GRIN3A: variants seen among roughly 807,000 people sequenced by gnomAD.
GRIN3A encodes the protein glutamate receptor ionotropic, NMDA 3A.
GRIN3A carries 47 observed loss-of-function variants against 92.4 expected under a neutral mutation model. The ratio of observed to expected loss-of-function variants is 0.51; its 90% CI spans 0.40 to 0.65. The LOEUF (loss-of-function observed/expected upper bound fraction) is 0.65. GRIN3A is among the 30% of genes least tolerant of loss of function. GRIN3A has a pLI of 0.00. For missense variants in GRIN3A, 1,324 were observed against 1,393.1 expected, an observed-to-expected ratio of 0.95 and a Z score of 0.79; for synonymous variants, 527 against 540.6, an observed-to-expected ratio of 0.97 and a Z score of 0.35.
chr9:101,633,992 C>T (rs540478222), intron 3 of GRIN3A, among the ~76,000 whole-genome samples: 123 of 152,078 alleles, frequency 8.1e-4, no homozygotes, highest in Non-Finnish European at 1.5e-3. Flanking sequence ...CTATGAAGTG[C>T]CTGTTACGCT....
intron 3 of GRIN3A, among the ~76,000 whole-genome samples, chr9:101,650,909 A>T (rs1162111279): frequency 6.6e-6 from 1 of 151,930 alleles, no homozygotes; most frequent in Non-Finnish European, 1.5e-5. Flanking sequence ...TTTTTTCTCA[A>T]ACCTTCTCTG....
intron 1 of GRIN3A, among the ~76,000 whole-genome samples, chr9:101,705,545 G>A (rs187431224): frequency 1.2e-4 from 19 of 152,214 alleles, no homozygotes; most frequent in Admixed American, 1.2e-3. Context: ...AGCCGTCCCT[G>A]GATGACAAGG....
In GRIN3A at chr9:101,570,169, T is replaced by G. The variant is rs1309390291; in HGVS notation, c.*3005A>C. 6.6e-6 allele frequency: 1 copy of G among 152,158 alleles called. No individual in the cohort carries two copies. The highest frequency in any genetic ancestry group is 1.9e-4 in the East Asian group (1 of 5,188). 9.4% of individuals were successfully genotyped at this position (152,158 alleles called of 1,614,324 possible). ...AGCATACACACTCTGGGGCCTTGAT[T>G]ATTCTTATTTACACGAACCAGGTAG... On this transcript the variant is annotated 3_prime_UTR_variant, in exon 9 of 9. Coordinates refer to ENST00000361820, the MANE Select transcript of GRIN3A (RefSeq NM_133445.3).
intron 2 of GRIN3A, among the ~76,000 whole-genome samples, 180 bp downstream of exon 2, chr9:101,686,416 A>T (rs574275489): frequency 2.0e-4 from 30 of 152,296 alleles, no homozygotes; most frequent in Admixed American, 5.9e-4. Flanking sequence ...AAGTTTATAG[A>T]TCAAATTACA....
chr9:101,626,702 C>G lies in GRIN3A; in HGVS notation c.2498+1554G>C, dbSNP rs73496759. Among the ~76,000 whole-genome samples the G allele has an allele frequency of 9.2e-3, 1,403 of 152,316 alleles. 27 individuals carry two copies. The highest frequency in any genetic ancestry group is 0.032 in the African/African-American group (1,345 of 41,552). ...CTAACTAGCTTTCAGATACTAACTG[C>G]AACATAGATGTTGCTGGAACATGGA... On this transcript the variant is annotated intron_variant, in intron 4 of 8. Transcript: ENST00000361820.
chr9:101,692,604 A>G (rs1362764011), intron 1 of GRIN3A, among the ~76,000 whole-genome samples: 3 of 152,198 alleles, frequency 2.0e-5, no homozygotes, highest in Non-Finnish European at 4.4e-5. Flanking sequence ...AGCTCAAGTG[A>G]ACATAATGTT....
intron 1 of GRIN3A, among the ~76,000 whole-genome samples, chr9:101,693,687 C>T (rs896763186): frequency 1.3e-5 from 2 of 152,172 alleles, no homozygotes; most frequent in African/African-American, 4.8e-5. Context: ...AGTCTCCAGC[C>T]TGCTGCCCAG....
intron 1 of GRIN3A, among the ~76,000 whole-genome samples, chr9:101,720,648 A>T (rs987701751): frequency 6.6e-6 from 1 of 152,244 alleles, no homozygotes; most frequent in East Asian, 1.9e-4. Flanking sequence ...TCAATTTTGA[A>T]TTAGAGCATA....
chr9:101,606,378 A>C (rs191757343), intron 6 of GRIN3A, among the ~76,000 whole-genome samples: 1 of 152,180 alleles, frequency 6.6e-6, no homozygotes, highest in East Asian at 1.9e-4. Flanking sequence ...AAACTCAGGT[A>C]TTTATTCCCT....
intron 1 of GRIN3A, among the ~76,000 whole-genome samples, chr9:101,709,554 T>C (rs1829853798): frequency 1.3e-5 from 2 of 152,210 alleles, no homozygotes; most frequent in Non-Finnish European, 2.9e-5. Context: ...TGTAGTGATT[T>C]AGAGGAGAGA....
At chr9:101,575,783 G>A (rs139428011) in intron 8 of GRIN3A, among the ~76,000 whole-genome samples, 4 of 152,326 alleles carry the variant, frequency 2.6e-5, no homozygotes, top group African/African-American at 7.2e-5. Flanking sequence ...CAAGAGAAGA[G>A]AGGGAGAGCA....
intron 3 of GRIN3A, among the ~76,000 whole-genome samples, chr9:101,646,450 G>A (rs1033901814): frequency 2.6e-5 from 4 of 151,768 alleles, no homozygotes; most frequent in Middle Eastern, 3.2e-3. Flanking sequence ...ATCAGGTAGT[G>A]TGCTGATGCC....
chr9:101,637,917 T>A (rs540089240), intron 3 of GRIN3A, among the ~76,000 whole-genome samples: 14 of 152,204 alleles, frequency 9.2e-5, no homozygotes, highest in Non-Finnish European at 1.9e-4. Flanking sequence ...GCTTGAAAAA[T>A]CCTAACTCAG....
In GRIN3A at chr9:101,700,686, A is replaced by G. The variant is rs190291258; in HGVS notation, c.700-13486T>C. On this transcript the variant is annotated intron_variant, in intron 1 of 8. Coordinates refer to ENST00000361820, the MANE Select transcript of GRIN3A (RefSeq NM_133445.3). The stretch of plus-strand genomic sequence containing the variant: ...ACTGATATATATTTAAAATAATTCA[A>G]TATAAGAATGTATCAATATTGGGTC... Among the ~76,000 whole-genome samples the G allele has an allele frequency of 5.1e-3, 775 of 152,328 alleles. 4 individuals carry two copies. The highest frequency in any genetic ancestry group is 0.024 in the Middle Eastern group (7 of 294).
chr9:101,594,778 C>G (rs906528742), intron 6 of GRIN3A: 11 of 1,613,770 alleles, frequency 6.8e-6, no homozygotes, highest in Non-Finnish European at 9.3e-6. Flanking sequence ...TGTGGCGCAG[C>G]TCCGGCAGGG....
chr9:101,672,780 C>A (rs553696241), intron 2 of GRIN3A, among the ~76,000 whole-genome samples: 9 of 152,222 alleles, frequency 5.9e-5, no homozygotes, highest in African/African-American at 1.9e-4. Context: ...GGTAATTATT[C>A]ATGTTAGTAC....
rs746119965 is a variant in GRIN3A at position 101,579,241 on chromosome 9, T to A, written c.2886A>T (p.Arg962=). 6.2e-7 allele frequency: 1 copy of A among 1,613,938 alleles called. No individual in the cohort carries two copies. The highest frequency in any genetic ancestry group is 2.2e-5 in the East Asian group (1 of 44,874). The change falls in exon 7 of 9, where the codon CGA becomes CGT. Residue 962 remains arginine, a synonymous_variant. Coordinates refer to ENST00000361820, the MANE Select transcript of GRIN3A (RefSeq NM_133445.3). ...EHIVYRLLLP[R]IKNKSKLQYW... Reference sequence around the variant, plus strand: ...ATTGCAGCTTGGATTTGTTTTTGATTCGTGGTAGCAGCAGCCTGTATACTA... The same window carrying A: ...ATTGCAGCTTGGATTTGTTTTTGATACGTGGTAGCAGCAGCCTGTATACTA...
At chr9:101,697,656 GT>G (rs1274071285) in intron 1 of GRIN3A, among the ~76,000 whole-genome samples, 1 of 152,152 alleles carries the variant, frequency 6.6e-6, no homozygotes. Context: ...GAAATATTTA[GT>G]TTCAACAGTC....
rs142449850 is a variant in GRIN3A, at chr9:101,718,877, T to C, written c.699+18404A>G. Reference sequence around the variant, plus strand: ...ATTGTGTATTTATTTTTATAGTTAATTTCTATTTATGGCAAATGGTACTGG... The same window carrying C: ...ATTGTGTATTTATTTTTATAGTTAACTTCTATTTATGGCAAATGGTACTGG... On this transcript the variant is annotated intron_variant, in intron 1 of 8. Coordinates refer to ENST00000361820, the MANE Select transcript of GRIN3A (RefSeq NM_133445.3). Among the ~76,000 whole-genome samples, 134 of 152,358 alleles carry C rather than the reference T, an allele frequency of 8.8e-4. No individual in the cohort carries two copies. The East Asian group carries it at 0.015, about 17-fold the overall frequency.
Sources: allele counts gnomAD v4.1 joint callset (sites outside exome capture counted in the v4.1 genomes callset), GRCh38; gene constraint gnomAD v4.1.1; transcripts MANE v1.5; gene names NCBI Gene and HGNC (gene_info 2026-07-23, HGNC 2026-07-21).